Variants in ERMP1 observed in about 807,000 individuals in gnomAD.
ERMP1 encodes endoplasmic reticulum metallopeptidase 1.
Under a neutral mutation model 92.0 loss-of-function variants are expected in ERMP1, and 86 were observed. That is an observed-to-expected ratio of 0.93 (90% CI 0.79 to 1.12). The LOEUF is 1.12. ERMP1 is among the 50% of genes most tolerant of loss of function. The pLI is 0.00. For missense variants in ERMP1, 1,342 were observed against 1,116.3 expected (o/e 1.20, Z -2.88); for synonymous variants, 530 against 412.8 (o/e 1.28, Z -3.44).
chr9:5,848,180 G>A (rs1454113665), intron 6 of ERMP1, among the ~76,000 whole-genome samples: 1 of 152,188 alleles, frequency 6.6e-6, no homozygotes, highest in Non-Finnish European at 1.5e-5. Context: ...ACTTTCAAAT[G>A]TGATTAACTT....
chr9:5,831,981 T>C (rs561457794), intron 1 of ERMP1, among the ~76,000 whole-genome samples: 5 of 152,204 alleles, frequency 3.3e-5, no homozygotes, highest in Admixed American at 2.6e-4. Flanking sequence ...TAGAACACAG[T>C]AGCTGTTGAA....
At chr9:5,851,926 AT>A (rs1325071775) in intron 6 of ERMP1, among the ~76,000 whole-genome samples, 1 of 152,148 alleles carries the variant, frequency 6.6e-6, no homozygotes, top group East Asian at 1.9e-4. Context: ...TCAACAAGTC[AT>A]TTTTTCTGCC....
intron 8 of ERMP1, among the ~76,000 whole-genome samples, chr9:5,809,173 A>T (rs1338102771): frequency 6.6e-6 from 1 of 151,610 alleles, no homozygotes; most frequent in Non-Finnish European, 1.5e-5. Flanking sequence ...AGGCGCCGCC[A>T]CCTCGCCCGG....
At position 5,866,191 on chromosome 9, in the gene ERMP1, A is replaced by C. The variant is rs183656488; in HGVS notation, n.3055+1611T>G. Among the ~76,000 whole-genome samples the C allele has an allele frequency of 1.1e-4, 16 of 152,306 alleles. No individual in the cohort carries two copies. In the East Asian group the frequency reaches 2.3e-3, roughly 22 times the overall value. ...TAAATTGCAGATGAGCCCCTCTCTT[A>C]CACCAGTTTCCATTGGTGTTGGGAC... On this transcript the variant is annotated intron_variant and non_coding_transcript_variant, in intron 5 of 6. Transcript: ENST00000690753.
At chr9:5,852,186 T>G (rs1830317898) in intron 6 of ERMP1, among the ~76,000 whole-genome samples, 1 of 152,118 alleles carries the variant, frequency 6.6e-6, no homozygotes, top group Non-Finnish European at 1.5e-5. Context: ...AATCAAGCAG[T>G]CATTAAGTTT....
intron 4 of ERMP1, among the ~76,000 whole-genome samples, chr9:5,817,197 C>CT (rs952455342): frequency 2.0e-5 from 3 of 149,154 alleles, no homozygotes; most frequent in Non-Finnish European, 3.0e-5. Flanking sequence ...CGTGCCCAGC[C>CT]TTTTTTTTGA....
At chr9:5,836,909 G>A (rs1003929038), upstream of ERMP1, among the ~76,000 whole-genome samples, 3 of 152,124 alleles carry the variant, frequency 2.0e-5, no homozygotes, top group Admixed American at 2.0e-4. Flanking sequence ...TAGGGAGAGG[G>A]TAATTGCACT....
At chr9:5,797,085 G>A (rs1828457585) in intron 13 of ERMP1, among the ~76,000 whole-genome samples, 1 of 152,044 alleles carries the variant, frequency 6.6e-6, no homozygotes. Context: ...CTGTCACCCA[G>A]GTTGGAATGC....
rs956375953 is a variant in ERMP1 at position 5,784,815 on chromosome 9, T to C, written c.*2329A>G. 2.6e-5 allele frequency: 4 copies of C among 152,614 alleles called. No homozygotes were observed. The highest frequency in any genetic ancestry group is 9.7e-5 in the African/African-American group (4 of 41,436). The allele number at this position is 152,614 out of a possible 1,614,324, so 9.5% of individuals were successfully genotyped here. A position where few individuals can be genotyped will look rare whatever the true frequency, so the allele number is the denominator to read the frequency against. ...TTAGGTCAAACACAAGAACGAACTA[T>C]TTTGAAATCAATTCCTCACACTTTT... On this transcript the variant is annotated 3_prime_UTR_variant, in exon 15 of 15. Coordinates refer to ENST00000339450, the MANE Select transcript of ERMP1 (RefSeq NM_024896.3).
At chr9:5,839,605 C>T (rs35622713) in intron 6 of ERMP1, among the ~76,000 whole-genome samples, 2,855 of 152,274 alleles carry the variant, frequency 0.019, 29 homozygotes, top group Non-Finnish European at 0.024. Context: ...TAGGTGTGCG[C>T]ACCTGGAGAC....
chr9:5,802,112 T>G (rs1476768565), intron 10 of ERMP1, among the ~76,000 whole-genome samples: 2 of 152,220 alleles, frequency 1.3e-5, no homozygotes, highest in Non-Finnish European at 2.9e-5. Context: ...ACATTTTAAA[T>G]ATTGTGAATA....
chr9:5,865,786 C>T (rs528713256), intron 5 of ERMP1, among the ~76,000 whole-genome samples: 22 of 144,128 alleles, frequency 1.5e-4, no homozygotes, highest in African/African-American at 5.4e-4. Context: ...TGCAGTGAGC[C>T]AAGATCGTGC....
intron 11 of ERMP1, 39 bp from the exon 12 acceptor site, chr9:5,799,047 G>GT: frequency 6.8e-7 from 1 of 1,467,548 alleles, no homozygotes. Flanking sequence ...GTTTCAACTA[G>GT]TACACCCACA....
intron 4 of ERMP1, among the ~76,000 whole-genome samples, chr9:5,821,975 C>T (rs548838970): frequency 2.0e-5 from 3 of 152,264 alleles, no homozygotes; most frequent in Non-Finnish European, 2.9e-5. Flanking sequence ...AGAAAGAGGC[C>T]GGGCGTGGTG....
chr9:5,849,052 C>G (rs955321527), intron 6 of ERMP1, among the ~76,000 whole-genome samples: 3 of 152,122 alleles, frequency 2.0e-5, no homozygotes, highest in African/African-American at 7.2e-5. Context: ...TAGATGGAGT[C>G]TTGCTCTGTC....
At chr9:5,805,584 T>C (rs761057303) in intron 9 of ERMP1, 27 bp downstream of exon 9, 4 of 1,538,568 alleles carry the variant, frequency 2.6e-6, no homozygotes, top group Non-Finnish European at 3.5e-6. Context: ...TATTCTCCCA[T>C]GTATATCAAA....
Position 5,833,021 on chromosome 9 carries a change from A to G in ERMP1, c.7T>C (p.Trp3Arg). 6.6e-7 allele frequency: 1 copy of G among 1,525,240 alleles called. No homozygotes were observed. Among genetic ancestry groups the G allele is most frequent in the East Asian group, 2.6e-5 (1 of 38,334 alleles). 94.5% of individuals were successfully genotyped at this position (1,525,240 alleles called of 1,614,324 possible). The change falls in exon 1 of 15, where the codon TGG becomes CGG. Residue 3 changes from tryptophan (W) to arginine (R), a missense_variant. By Grantham distance (101) the Trp-to-Arg change is moderately radical. Coordinates refer to ENST00000339450, the MANE Select transcript of ERMP1 (RefSeq NM_024896.3). Reference protein sequence around the residue: MEWGSESAAVRRH... With the variant: MERGSESAAVRRH... ...CTCACAGCAGCCGACTCAGAACCCC[A>G]CTCCATGGCCACGAGCCTCAGCTGC...
At position 5,787,450 on chromosome 9, in the gene ERMP1, G is replaced by A; in HGVS notation, c.2530C>T (p.Gln844Ter). ...GGCACCTGCACTTCTATCCAGAACT[G>A]CCATGCAGAGGCCTGGAGTCCATGG... Reference protein sequence around the residue: ...YSHGLQASAWQFWIEVQVSEE... With the variant: ...YSHGLQASAW Residue 844 changes from glutamine (Q) to a stop codon, truncating the protein, a stop_gained, in exon 14 of 15, where the codon CAG (glutamine) becomes TAG (stop). Coordinates refer to ENST00000339450, the MANE Select transcript of ERMP1 (RefSeq NM_024896.3). LOFTEE classifies it high-confidence loss of function. 4 of 1,613,574 alleles carry A rather than the reference G, an allele frequency of 2.5e-6. No individual in the cohort carries two copies. Among genetic ancestry groups the A allele is most frequent in the Non-Finnish European group, 2.5e-6 (3 of 1,179,838 alleles).
At chr9:5,799,636 A>G (rs1828592393) in intron 11 of ERMP1, among the ~76,000 whole-genome samples, 1 of 152,100 alleles carries the variant, frequency 6.6e-6, no homozygotes, top group South Asian at 2.1e-4. Flanking sequence ...ACATGGCCAC[A>G]CTCATTTGTT....
Sources: gnomAD v4.1 joint callset for allele counts (sites outside exome capture counted in the v4.1 genomes callset) on GRCh38, gnomAD v4.1.1 for gene constraint, MANE v1.5 for transcripts, NCBI Gene and HGNC (gene_info 2026-07-23, HGNC 2026-07-21) for gene names.